The following PTCH2 variants were observed in gnomAD, a reference collection of about 807,000 sequenced individuals.
The protein encoded by PTCH2 is patched 2.
PTCH2 carries 96 observed loss-of-function variants against 117.9 expected under a neutral mutation model. The observed-to-expected ratio is 0.81, with a 90% CI of 0.69 to 0.96. The LOEUF is 0.96. Ranked by LOEUF, PTCH2 falls within the 50% of genes least tolerant of loss-of-function variation. The pLI is 0.00. For synonymous variants in PTCH2, 615 were observed against 660.9 expected (o/e 0.93, Z 1.06); for missense variants, 1,379 against 1,562.5 (o/e 0.88, Z 1.98).
At chr1:44,819,978 T>TA (rs781327865), downstream of PTCH2, 1 of 155,020 alleles carries the variant, frequency 6.5e-6, no homozygotes, top group African/African-American at 2.4e-5. Flanking sequence ...TTTATGCGCT[T>TA]TGAAGAGAAA....
chr1:44,830,819 T>A (rs893871848), intron 6 of PTCH2, 29 bp downstream of exon 6: 1 of 1,514,614 alleles, frequency 6.6e-7, no homozygotes. Flanking sequence ...GAAAACAGCC[T>A]TTCCCTGGCA....
At chr1:44,833,058 G>T (rs1044326767) in intron 2 of PTCH2, among the ~76,000 whole-genome samples, 6 of 152,134 alleles carry the variant, frequency 3.9e-5, no homozygotes, top group African/African-American at 1.4e-4. Flanking sequence ...GCCAAGGGGA[G>T]GGAGGTGTCC....
In PTCH2 at chr1:44,842,881, C is replaced by G. The variant is rs1186947999; in HGVS notation, c.52G>C (p.Ala18Pro). Residue 18 changes from alanine to proline, a missense_variant, in exon 1 of 22, where the codon GCT becomes CCT. Ala to Pro is a conservative substitution (Grantham distance 27). Coordinates refer to ENST00000372192, the MANE Select transcript of PTCH2 (RefSeq NM_003738.5). ...RELPPSYTPP[A>P]RTAAPQILAG... ...CTCACCTGGGGTGCTGCGGTTCGAG[C>G]TGGGGGTGTGTAACTCGGGGGCAGC... The G allele has an allele frequency of 6.5e-7, 1 of 1,547,102 alleles. No individual in the cohort carries two copies. The highest frequency in any genetic ancestry group is 8.7e-7 in the Non-Finnish European group (1 of 1,144,564).
downstream of PTCH2, chr1:44,821,754 A>G (rs1307752483): frequency 7.8e-7 from 1 of 1,284,686 alleles, no homozygotes. Context: ...TTTGTATAGT[A>G]AGCACTTAAT....
At position 44,827,567 on chromosome 1, in the gene PTCH2, G is replaced by A. The variant is rs375103664; in HGVS notation, c.2206C>T (p.Leu736=). Residue 736 remains leucine, a synonymous_variant, in exon 15 of 22, where the codon CTG becomes TTG. Transcript: ENST00000372192. ...FLSAQLRYFS[L]YEVALVTQGG... ...TGGGTCACCAGGGCCACCTCGTACAGGGAGAAGTACCTGAGCTGGGCGCTC... is the reference window on the plus strand; with the variant it reads ...TGGGTCACCAGGGCCACCTCGTACAAGGAGAAGTACCTGAGCTGGGCGCTC... 5.6e-6 allele frequency: 9 copies of A among 1,614,052 alleles called. No homozygotes were observed. The highest frequency in any genetic ancestry group is 7.6e-6 in the Non-Finnish European group (9 of 1,180,036).
Position 44,842,982 on chromosome 1 carries a change from G to T in PTCH2, c.-50C>A. ...CGCCCCCAACCCGCGTTATCTGGGC[G>T]CTCCCATAGGCTAGCCCGGTCTCCC... On this transcript the variant is annotated 5_prime_UTR_variant, in exon 1 of 22. Transcript: ENST00000372192. The T allele has an allele frequency of 2.7e-6, 4 of 1,498,666 alleles. No individual in the cohort carries two copies. Among genetic ancestry groups the T allele is most frequent in the Non-Finnish European group, 3.5e-6 (4 of 1,127,358 alleles). 92.8% of individuals were successfully genotyped at this position (1,498,666 alleles called of 1,614,324 possible).
At chr1:44,824,540 C>T (rs1653059015) in intron 19 of PTCH2, among the ~76,000 whole-genome samples, 1 of 151,332 alleles carries the variant, frequency 6.6e-6, no homozygotes, top group Non-Finnish European at 1.5e-5. Flanking sequence ...CTGTGTTGCC[C>T]AGGCTGCAGT....
chr1:44,821,827 T>G, downstream of PTCH2: 1 of 1,363,534 alleles, frequency 7.3e-7, no homozygotes, highest in South Asian at 1.1e-5. Flanking sequence ...CACCCAGAAC[T>G]AGAGAAGCTA....
Position 44,831,110 on chromosome 1 carries a change from G to A in PTCH2, c.618-67C>T. ...ACCCAGGCTCCAAACTGCTGCTGGG[G>A]CGCCATGCTGTACCCCACCCTCCTC... On this transcript the variant is annotated intron_variant, in intron 5 of 21. Transcript: ENST00000372192. This position sits in a 1 kb window ranked among gnomAD's most constrained non-coding sequence, Gnocchi z 4.3. 1 of 1,471,656 alleles carries A rather than the reference G, an allele frequency of 6.8e-7. No homozygotes were observed. Among genetic ancestry groups the A allele is most frequent in the East Asian group, 2.4e-5 (1 of 41,798 alleles). The allele number at this position is 1,471,656 out of a possible 1,614,324, so 91.2% of individuals were successfully genotyped here.
intron 2 of PTCH2, among the ~76,000 whole-genome samples, chr1:44,836,105 G>A (rs184696664): frequency 2.0e-5 from 3 of 152,276 alleles, no homozygotes; most frequent in African/African-American, 7.2e-5. Context: ...CCTGATTTCC[G>A]TGGCCGTCAT....
chr1:44,836,568 C>T (rs1315905159), intron 2 of PTCH2, among the ~76,000 whole-genome samples: 6 of 151,982 alleles, frequency 3.9e-5, no homozygotes, highest in South Asian at 4.2e-4. Flanking sequence ...ATTAGCCAGG[C>T]GTGGTGCGCA....
At chr1:44,819,981 A>C (rs753230933), downstream of PTCH2, 1 of 154,922 alleles carries the variant, frequency 6.5e-6, no homozygotes, top group Non-Finnish European at 1.4e-5. Flanking sequence ...ATGCGCTTTG[A>C]AGAGAAACCC....
In PTCH2 at chr1:44,842,850, C is replaced by G. The variant is rs1159166734; in HGVS notation, c.72+11G>C. The G allele has an allele frequency of 6.5e-7, 1 of 1,548,774 alleles. No individual in the cohort carries two copies. The highest frequency in any genetic ancestry group is 2.0e-5 in the Admixed American group (1 of 50,978). On this transcript the variant is annotated intron_variant, in intron 1 of 21. Coordinates refer to ENST00000372192, the MANE Select transcript of PTCH2 (RefSeq NM_003738.5). ...CGCTCTCTTCCTTCTTCCAGCTCCC[C>G]CTCTACTCACCTGGGGTGCTGCGGT...
At chr1:44,841,705 T>A in intron 2 of PTCH2, 142 bp downstream of exon 2, 1 of 806,104 alleles carries the variant, frequency 1.2e-6, no homozygotes, top group Non-Finnish European at 2.1e-6. Context: ...TGTTCCTAGA[T>A]GCCCAGGTGT....
rs779956039 is a variant in PTCH2, at chr1:44,833,438, C to CT, written c.266-1098dup. ...TCGTCATGTTTCCCAATCTCTTTTCCTTTTTTTTTTTTTTTTGAGACAGAG... is the reference window on the plus strand; with the variant it reads ...TCGTCATGTTTCCCAATCTCTTTTCCTTTTTTTTTTTTTTTTTGAGACAGAG... On this transcript the variant is annotated intron_variant, in intron 2 of 21. Coordinates refer to ENST00000372192, the MANE Select transcript of PTCH2 (RefSeq NM_003738.5). Among the ~76,000 whole-genome samples the CT allele has an allele frequency of 8.2e-3, 1,125 of 136,428 alleles. 10 individuals are homozygous for CT. The highest frequency in any genetic ancestry group is 0.012 in the East Asian group (54 of 4,676). 89.5% of individuals were successfully genotyped at this position (136,428 alleles called of 152,430 possible).
At chr1:44,821,871 C>G (rs545506477), downstream of PTCH2, 1 of 1,365,632 alleles carries the variant, frequency 7.3e-7, no homozygotes, top group South Asian at 1.1e-5. Context: ...GAAGCTCCTT[C>G]CAATAGCTAA....
intron 2 of PTCH2, among the ~76,000 whole-genome samples, chr1:44,837,317 C>T (rs914328206): frequency 2.0e-5 from 3 of 152,034 alleles, no homozygotes; most frequent in South Asian, 2.1e-4. Context: ...TGCAATGGCA[C>T]GATCTCAGCT....
At chr1:44,836,705 G>C (rs551606049) in intron 2 of PTCH2, among the ~76,000 whole-genome samples, 1 of 151,186 alleles carries the variant, frequency 6.6e-6, no homozygotes, top group Non-Finnish European at 1.5e-5. Flanking sequence ...ACTCTGTCTC[G>C]GGGGATGGAA....
At position 44,843,155 on chromosome 1, in the gene PTCH2, C is replaced by T. The variant is rs1439632417; in HGVS notation, c.-223G>A. Reference sequence around the variant, plus strand: ...GCGCGGCGCCGGGATTCACCCGCTCCGTGGGCCGTGGGCCGCGGCGGCTGG... The same window carrying T: ...GCGCGGCGCCGGGATTCACCCGCTCTGTGGGCCGTGGGCCGCGGCGGCTGG... On this transcript the variant is annotated 5_prime_UTR_variant, in exon 1 of 22. Transcript: ENST00000372192. 2 of 1,266,836 alleles carry T rather than the reference C, an allele frequency of 1.6e-6. No homozygotes were observed. The highest frequency in any genetic ancestry group is 2.5e-5 in the South Asian group (1 of 39,260). The allele number at this position is 1,266,836 out of a possible 1,614,324, so 78.5% of individuals were successfully genotyped here.
Sources: gnomAD v4.1 joint callset for allele counts (sites outside exome capture counted in the v4.1 genomes callset) on GRCh38, gnomAD v4.1.1 for gene constraint, Gnocchi (gnomAD v3.1) non-coding constraint, MANE v1.5 for transcripts, NCBI Gene and HGNC (gene_info 2026-07-23, HGNC 2026-07-21) for gene names.